KCNQ1: variants seen among roughly 807,000 people sequenced by gnomAD.
KCNQ1 encodes the protein potassium voltage-gated channel subfamily Q member 1.
Under a neutral mutation model 72.4 loss-of-function variants are expected in KCNQ1, and 49 were observed. That is an observed-to-expected ratio of 0.68 (90% CI 0.54 to 0.86). The LOEUF (loss-of-function observed/expected upper bound fraction) is 0.86, where lower values mean the gene tolerates loss of function less well. Ranked by LOEUF, KCNQ1 falls within the 40% of genes least tolerant of loss-of-function variation. The probability of loss-of-function intolerance (pLI) is 0.00; values close to 1 mark genes in which losing one functional copy is unlikely to be tolerated. For missense variants in KCNQ1, 790 were observed against 945.1 expected (o/e 0.84, Z 2.15); for synonymous variants, 450 against 412.6 (o/e 1.09, Z -1.10).
In KCNQ1 at chr11:2,541,642, G is replaced by A. The variant is rs960209005; in HGVS notation, c.477+13624G>A. Among the ~76,000 whole-genome samples the A allele has an allele frequency of 4.0e-5, 6 of 151,868 alleles. No individual in the cohort carries two copies. In the East Asian group the frequency reaches 7.8e-4, roughly 20 times the overall value. ...TCCCCACCGTTAGGATACTCTGAAC[G>A]TTCCCAGAAAGCCCCCTTCTGCTCA... On this transcript the variant is annotated intron_variant, in intron 2 of 15. Coordinates refer to ENST00000155840, the MANE Select transcript of KCNQ1 (RefSeq NM_000218.3). This position sits in a 1 kb window ranked among gnomAD's most constrained non-coding sequence, Gnocchi z 4.8.
chr11:2,572,216 G>A (rs1472199363), intron 5 of KCNQ1, 107 bp downstream of exon 5: 42 of 817,420 alleles, frequency 5.1e-5, no homozygotes, highest in South Asian at 1.7e-4. Context: ...CCCGGGGGCC[G>A]GTGGGTGCCT....
intron 1 of KCNQ1, 100 bp from the exon 2 acceptor site, chr11:2,527,828 C>T (rs1401760385): frequency 9.2e-6 from 9 of 980,968 alleles, no homozygotes; most frequent in South Asian, 1.3e-5. Flanking sequence ...TCTGTTCCTA[C>T]CTGGGGGCGG....
chr11:2,793,757 C>T (rs1004023758), intron 15 of KCNQ1, among the ~76,000 whole-genome samples: 1 of 152,226 alleles, frequency 6.6e-6, no homozygotes, highest in African/African-American at 2.4e-5. Flanking sequence ...TTTATTCATT[C>T]ACCTTGTGCC....
intron 11 of KCNQ1, among the ~76,000 whole-genome samples, chr11:2,726,102 TG>T (rs1845757446): frequency 6.6e-6 from 1 of 152,132 alleles, no homozygotes; most frequent in South Asian, 2.1e-4. Context: ...GGTGAAGGGC[TG>T]GGGACGGCCT....
intron 10 of KCNQ1, chr11:2,638,552 T>C (rs1849517413): frequency 6.6e-6 from 1 of 152,230 alleles, no homozygotes; most frequent in South Asian, 2.1e-4. Context: ...CCGCCGTTAG[T>C]CTGATGGGTT....
intron 15 of KCNQ1, among the ~76,000 whole-genome samples, chr11:2,804,843 G>T (rs1847340773): frequency 6.6e-6 from 1 of 152,150 alleles, no homozygotes; most frequent in South Asian, 2.1e-4. Flanking sequence ...CCCATTTTGT[G>T]TATGAGGAGA....
chr11:2,637,606 A>C (rs1849495533), intron 10 of KCNQ1: 1 of 152,158 alleles, frequency 6.6e-6, no homozygotes, highest in Admixed American at 6.5e-5. Context: ...ACTTCCAATT[A>C]TGTGGTCAAT....
chr11:2,797,923 G>T lies in KCNQ1; in HGVS notation c.1794+19886G>T, dbSNP rs560810619. Among the ~76,000 whole-genome samples the T allele has an allele frequency of 5.9e-5, 9 of 152,322 alleles. No homozygotes were observed. The South Asian group carries it at 1.2e-3, about 21-fold the overall frequency. ...TGTGCCAGCCTCCAGGTTGGCCCAG[G>T]CAGCCCAGGCTGCTCAGGGTCATGG... On this transcript the variant is annotated intron_variant, in intron 15 of 15. Coordinates refer to ENST00000155840, the MANE Select transcript of KCNQ1 (RefSeq NM_000218.3).
intron 1 of KCNQ1, among the ~76,000 whole-genome samples, chr11:2,472,122 G>C (rs1319767603): frequency 6.7e-6 from 1 of 149,148 alleles, no homozygotes; most frequent in East Asian, 2.0e-4. Context: ...ATAAGTGTAT[G>C]TGCACATGCG....
chr11:2,516,304 A>G lies in KCNQ1; in HGVS notation c.387-11624A>G, dbSNP rs887383563. ...TTCTCAGGCTTCTCATGAAGTTTAGAGGCGACAGGAGGAGGTGGGCTTTAA... is the reference window on the plus strand; with the variant it reads ...TTCTCAGGCTTCTCATGAAGTTTAGGGGCGACAGGAGGAGGTGGGCTTTAA... On this transcript the variant is annotated intron_variant, in intron 1 of 15. Transcript: ENST00000155840. The surrounding 1 kb of genome is among the most constrained non-coding windows in gnomAD (Gnocchi z 7.0). Among the ~76,000 whole-genome samples the G allele has an allele frequency of 6.6e-6, 1 of 152,032 alleles. No individual in the cohort carries two copies. Among genetic ancestry groups the G allele is most frequent in the Non-Finnish European group, 1.5e-5 (1 of 68,020 alleles).
At chr11:2,527,308 A>C (rs1248251167) in intron 1 of KCNQ1, among the ~76,000 whole-genome samples, 1 of 151,998 alleles carries the variant, frequency 6.6e-6, no homozygotes, top group African/African-American at 2.4e-5. Flanking sequence ...CAGGACCCCC[A>C]CCTGGCGGGC....
chr11:2,639,051 G>C (rs1410010080), intron 10 of KCNQ1: 1 of 152,044 alleles, frequency 6.6e-6, no homozygotes, highest in Non-Finnish European at 1.5e-5. Flanking sequence ...TTGTGCCATG[G>C]TTTTCTGCTC....
At chr11:2,518,877 G>A (rs1235723099) in intron 1 of KCNQ1, among the ~76,000 whole-genome samples, 2 of 152,232 alleles carry the variant, frequency 1.3e-5, no homozygotes, top group Non-Finnish European at 2.9e-5. Flanking sequence ...GGGAGCCCTG[G>A]GCCAAGGAGG....
intron 10 of KCNQ1, chr11:2,629,046 T>C (rs1849309001): frequency 2.5e-6 from 1 of 398,214 alleles, no homozygotes. Flanking sequence ...TTTGTTCTTA[T>C]TGCTCAAGTA....
chr11:2,618,076 T>C (rs1564835106), intron 10 of KCNQ1: 2 of 398,490 alleles, frequency 5.0e-6, no homozygotes, highest in Non-Finnish European at 8.8e-6. Flanking sequence ...CCTGAGCTTT[T>C]GGTGTGATCT....
At chr11:2,575,934 C>T (rs926338896) in intron 6 of KCNQ1, among the ~76,000 whole-genome samples, 7 of 152,228 alleles carry the variant, frequency 4.6e-5, no homozygotes, top group African/African-American at 1.7e-4. Flanking sequence ...TCCGAAAGCT[C>T]AGGGAGAAAT....
chr11:2,747,976 C>T (rs765418231), intron 11 of KCNQ1, among the ~76,000 whole-genome samples: 27 of 152,254 alleles, frequency 1.8e-4, no homozygotes, highest in Non-Finnish European at 3.4e-4. Context: ...AGACCAGAAC[C>T]GGCTGCTTCC....
chr11:2,665,558 G>A (rs1268137473), intron 11 of KCNQ1: 1 of 394,734 alleles, frequency 2.5e-6, no homozygotes, highest in African/African-American at 2.1e-5. Context: ...GCAGCCACCA[G>A]ATTTCCATTC....
In KCNQ1 at chr11:2,652,212, G is replaced by A. The variant is rs1849768189; in HGVS notation, c.1394-9749G>A. 2.5e-6 allele frequency: 1 copy of A among 398,642 alleles called. No individual in the cohort carries two copies. The highest frequency in any genetic ancestry group is 2.1e-5 in the African/African-American group (1 of 48,760). The allele number at this position is 398,642 out of a possible 1,614,324, so 24.7% of individuals were successfully genotyped here. On this transcript the variant is annotated intron_variant, in intron 10 of 15. Transcript: ENST00000155840. The surrounding 1 kb of genome is among the most constrained non-coding windows in gnomAD (Gnocchi z 5.9). Reference sequence around the variant, plus strand: ...CTGGATTTGGTAGCCAGGGCCTGGAGCCGGATGCTGAGAATGAGGCCTGCA... The same window carrying A: ...CTGGATTTGGTAGCCAGGGCCTGGAACCGGATGCTGAGAATGAGGCCTGCA...
Sources: gnomAD v4.1 joint callset for allele counts (sites outside exome capture counted in the v4.1 genomes callset) on GRCh38, gnomAD v4.1.1 for gene constraint, Gnocchi (gnomAD v3.1) non-coding constraint, MANE v1.5 for transcripts, NCBI Gene and HGNC (gene_info 2026-07-23, HGNC 2026-07-21) for gene names.